CNOT10: variants seen among roughly 807,000 people sequenced by gnomAD.
CNOT10 encodes CCR4-NOT transcription complex, subunit 10.
Under a neutral mutation model 94.6 loss-of-function variants are expected in CNOT10, and 30 were observed. That is an observed-to-expected ratio of 0.32 (90% CI 0.24 to 0.43). The LOEUF (loss-of-function observed/expected upper bound fraction) is 0.43, where lower values mean the gene tolerates loss of function less well. Ranked by LOEUF, CNOT10 falls within the 20% of genes least tolerant of loss-of-function variation. The pLI, the probability that CNOT10 is intolerant of heterozygous loss-of-function variation, is 1.00. For synonymous variants in CNOT10, 289 were observed against 301.6 expected (o/e 0.96, Z 0.43); for missense variants, 759 against 877.2 (o/e 0.87, Z 1.70).
chr3:32,753,221 CA>C, intron 13 of CNOT10: 1 of 721,524 alleles, frequency 1.4e-6, no homozygotes, highest in Non-Finnish European at 2.6e-6. Context: ...TACAGAAGGA[CA>C]AAAATTAGAT....
intron 17 of CNOT10, chr3:32,769,287 A>C (rs1249006143): frequency 6.6e-6 from 1 of 152,586 alleles, no homozygotes; most frequent in Non-Finnish European, 1.5e-5. Flanking sequence ...CTGTAATTTC[A>C]GCACTTCTGT....
intron 13 of CNOT10, among the ~76,000 whole-genome samples, chr3:32,742,780 G>A (rs1699530830): frequency 6.6e-6 from 1 of 152,162 alleles, no homozygotes. Context: ...GGTGCCTAGA[G>A]TTGCATTTTG....
At chr3:32,726,628 G>A (rs867619012) in intron 9 of CNOT10, among the ~76,000 whole-genome samples, 2 of 151,086 alleles carry the variant, frequency 1.3e-5, no homozygotes, top group African/African-American at 4.9e-5. Context: ...CCCAGGAGGC[G>A]GAGCTTGCCG....
At chr3:32,712,797 A>G (rs1697950785) in intron 4 of CNOT10, among the ~76,000 whole-genome samples, 1 of 152,166 alleles carries the variant, frequency 6.6e-6, no homozygotes, top group Non-Finnish European at 1.5e-5. Context: ...CAAGATTGCA[A>G]CACTGCACTC....
intron 1 of CNOT10, among the ~76,000 whole-genome samples, chr3:32,691,231 G>A (rs545168499): frequency 6.8e-6 from 1 of 147,910 alleles, no homozygotes; most frequent in East Asian, 2.0e-4. Context: ...GTGCAATCTC[G>A]GCTCAGTGCA....
chr3:32,753,558 T>C, intron 13 of CNOT10: 6 of 1,586,156 alleles, frequency 3.8e-6, no homozygotes, highest in Non-Finnish European at 5.2e-6. Flanking sequence ...AGCCAGAGGC[T>C]GTGAGATGGG....
At chr3:32,712,134 C>G (rs58736509) in intron 4 of CNOT10, among the ~76,000 whole-genome samples, 30,197 of 149,876 alleles carry the variant, frequency 0.2, 3,819 homozygotes, top group African/African-American at 0.35. Context: ...TACCTTGCTG[C>G]TTTTGCTTCT....
intron 8 of CNOT10, among the ~76,000 whole-genome samples, chr3:32,721,060 C>CGTT (rs779437501): frequency 0.068 from 6,651 of 97,652 alleles, 299 homozygotes; most frequent in South Asian, 0.11. Context: ...TCTTTCCTTT[C>CGTT]TTTTTTTTTT....
intron 16 of CNOT10, 44 bp from the exon 17 acceptor site, chr3:32,764,638 G>A (rs774923089): frequency 1.2e-6 from 2 of 1,608,294 alleles, no homozygotes; most frequent in Admixed American, 1.7e-5. Context: ...CTTCCTTGCT[G>A]TTGGCACGGC....
intron 2 of CNOT10, among the ~76,000 whole-genome samples, chr3:32,704,422 C>T (rs1334307076): frequency 1.3e-5 from 2 of 152,204 alleles, no homozygotes; most frequent in East Asian, 1.9e-4. Context: ...TATCAGGTTA[C>T]GTGCATGTAA....
At chr3:32,717,756 C>T (rs1262819028) in intron 7 of CNOT10, among the ~76,000 whole-genome samples, 1 of 152,036 alleles carries the variant, frequency 6.6e-6, no homozygotes, top group Non-Finnish European at 1.5e-5. Flanking sequence ...GTCCCAGCCA[C>T]TAGGGAGGCT....
At chr3:32,692,534 A>G (rs1696895051) in intron 1 of CNOT10, among the ~76,000 whole-genome samples, 1 of 152,212 alleles carries the variant, frequency 6.6e-6, no homozygotes, top group Non-Finnish European at 1.5e-5. Context: ...CAGGTTATCC[A>G]GTATTAGTGA....
chr3:32,685,486 G>A lies in CNOT10; in HGVS notation c.22+4G>A, dbSNP rs1559470686. The stretch of plus-strand genomic sequence containing the variant: ...ATGGCTGCAGACAAGCCTGCAGGTA[G>A]GGCGCCAATGTCCCGAGCGACGAGA... On this transcript the variant is annotated splice_donor_region_variant and intron_variant, in intron 1 of 18. Coordinates refer to ENST00000328834, the MANE Select transcript of CNOT10 (RefSeq NM_015442.3). 2 of 1,550,528 alleles carry A rather than the reference G, an allele frequency of 1.3e-6. No individual in the cohort carries two copies. The highest frequency in any genetic ancestry group is 1.7e-6 in the Non-Finnish European group (2 of 1,146,744).
intron 13 of CNOT10, among the ~76,000 whole-genome samples, chr3:32,748,771 C>T (rs536728144): frequency 2.6e-5 from 4 of 152,112 alleles, no homozygotes; most frequent in South Asian, 4.2e-4. Context: ...CTCTGCCTTC[C>T]GAAGTGCTGG....
chr3:32,732,519 G>A (rs1268160387), intron 10 of CNOT10, among the ~76,000 whole-genome samples: 3 of 151,700 alleles, frequency 2.0e-5, no homozygotes, highest in Non-Finnish European at 2.9e-5. Flanking sequence ...CCAGGAGGCC[G>A]AAGTTGCAGT....
chr3:32,771,597 C>G (rs571489712), intron 18 of CNOT10, among the ~76,000 whole-genome samples: 13 of 151,912 alleles, frequency 8.6e-5, no homozygotes, highest in African/African-American at 3.1e-4. Flanking sequence ...GAAACCCTGT[C>G]TCAAATAATA....
At chr3:32,741,744 G>A (rs1422628635) in intron 13 of CNOT10, among the ~76,000 whole-genome samples, 1 of 148,256 alleles carries the variant, frequency 6.7e-6, no homozygotes, top group Non-Finnish European at 1.5e-5. Flanking sequence ...CCCCCAGCCT[G>A]GGCGACAGAG....
At chr3:32,691,013 T>TG (rs61262350) in intron 1 of CNOT10, among the ~76,000 whole-genome samples, 1 of 150,488 alleles carries the variant, frequency 6.6e-6, no homozygotes, top group Non-Finnish European at 1.5e-5. Flanking sequence ...TTTTTTTTTT[T>TG]GAGATGGAGT....
intron 1 of CNOT10, among the ~76,000 whole-genome samples, chr3:32,692,166 A>G (rs532836829): frequency 6.6e-6 from 1 of 152,240 alleles, no homozygotes; most frequent in South Asian, 2.1e-4. Flanking sequence ...GTTCAAGTCC[A>G]GCCTGGGCAC....
Sources: allele counts gnomAD v4.1 joint callset (sites outside exome capture counted in the v4.1 genomes callset), GRCh38; gene constraint gnomAD v4.1.1; transcripts MANE v1.5; gene names NCBI Gene and HGNC (gene_info 2026-07-23, HGNC 2026-07-21).